The following ITGAD variants were observed in gnomAD, a reference collection of about 807,000 sequenced individuals.
ITGAD encodes integrin subunit alpha D, also known as integrin alpha-D.
In ITGAD, 105 loss-of-function variants were observed where a neutral mutation model predicts 139.0. The observed-to-expected ratio is 0.76, with a 90% CI of 0.65 to 0.89. ITGAD has a LOEUF of 0.89. Ranked by LOEUF, ITGAD falls within the 40% of genes least tolerant of loss-of-function variation. The pLI is 0.00. For synonymous variants in ITGAD, 569 were observed against 598.3 expected, an observed-to-expected ratio of 0.95 and a Z score of 0.71; for missense variants, 1,384 against 1,487.3, an observed-to-expected ratio of 0.93 and a Z score of 1.14.
Position 31,407,894 on chromosome 16 carries a change from G to C in ITGAD, c.987G>C (p.Gln329His). Residue 329 changes from glutamine to histidine, a missense_variant, in exon 9 of 30, where the codon CAG (glutamine) becomes CAC (histidine). Gln to His is a conservative substitution (Grantham distance 24, BLOSUM62 0). Coordinates refer to ENST00000389202, the MANE Select transcript of ITGAD (RefSeq NM_005353.3). The stretch of plus-strand genomic sequence containing the variant: ...TTGGCAGCATCCAGAAGCAGCTGCA[G>C]GAGAAGATCTATGCAGTTGAGGGTA... ...AALGSIQKQLQEKIYAVEGTQ... is the reference protein window; with the variant it reads ...AALGSIQKQLHEKIYAVEGTQ... The C allele has an allele frequency of 6.3e-7, 1 of 1,597,038 alleles. No individual in the cohort carries two copies. Among genetic ancestry groups the C allele is most frequent in the Non-Finnish European group, 8.6e-7 (1 of 1,165,968 alleles).
intron 5 of ITGAD, among the ~76,000 whole-genome samples, chr16:31,400,319 G>A (rs781737584): frequency 1.3e-5 from 2 of 152,106 alleles, no homozygotes; most frequent in Non-Finnish European, 1.5e-5. Flanking sequence ...GGGTAGGGGA[G>A]AGGAAAGAGG....
chr16:31,402,295 C>A, intron 6 of ITGAD, 50 bp downstream of exon 6: 2 of 1,420,800 alleles, frequency 1.4e-6, no homozygotes, highest in Non-Finnish European at 1.9e-6. Context: ...GGGAGGCTGG[C>A]CTCGGGGAGG....
intron 2 of ITGAD, among the ~76,000 whole-genome samples, chr16:31,396,507 T>G (rs2081266825): frequency 6.6e-6 from 1 of 152,172 alleles, no homozygotes; most frequent in Non-Finnish European, 1.5e-5. Flanking sequence ...ACACTAAAGT[T>G]TTGCTCATCG....
Position 31,424,242 on chromosome 16 carries a change from G to T in ITGAD, c.3261+39G>T, listed in dbSNP as rs746644483. On this transcript the variant is annotated intron_variant, in intron 28 of 29. Transcript: ENST00000389202. ...GGAGGGCAGCGACCAGCTGGAAAGA[G>T]GACCCCTAGGGCTACATCTGTGGTG... 3.8e-5 allele frequency: 61 copies of T among 1,609,160 alleles called. 1 individual carries two copies. The highest frequency in any genetic ancestry group is 3.9e-5 in the Non-Finnish European group (46 of 1,175,682).
At chr16:31,394,377 T>C in intron 2 of ITGAD, 36 bp downstream of exon 2, 2 of 1,484,034 alleles carry the variant, frequency 1.3e-6, no homozygotes, top group Non-Finnish European at 1.9e-6. Context: ...CAACCTCCAC[T>C]ACATCAAGTC....
intron 18 of ITGAD, 130 bp downstream of exon 18, chr16:31,415,121 T>G: frequency 9.7e-7 from 1 of 1,026,052 alleles, no homozygotes; most frequent in South Asian, 1.5e-5. Context: ...TCTCCCTTCC[T>G]CCTCACACCC....
Position 31,414,997 on chromosome 16 carries a change from T to C in ITGAD, c.2283+6T>C. ...AAGACCTCTTCACTGCTTCTGTGAG[T>C]CTTCTGATGAAGTCCCAGGGATGTG... On this transcript the variant is annotated splice_donor_region_variant and intron_variant, in intron 18 of 29. Transcript: ENST00000389202. 1 of 1,613,762 alleles carries C rather than the reference T, an allele frequency of 6.2e-7. No individual in the cohort carries two copies. Among genetic ancestry groups the C allele is most frequent in the Non-Finnish European group, 8.5e-7 (1 of 1,179,908 alleles).
Position 31,414,550 on chromosome 16 carries a change from G to T in ITGAD, c.2096G>T (p.Arg699Leu). 6.2e-7 allele frequency: 1 copy of T among 1,614,174 alleles called. No homozygotes were observed. The highest frequency in any genetic ancestry group is 1.1e-5 in the South Asian group (1 of 91,080). Residue 699 changes from arginine to leucine, a missense_variant, in exon 17 of 30, where the codon CGA (arginine) becomes CTA (leucine). By Grantham distance (102) the Arg-to-Leu change is moderately radical. Transcript: ENST00000389202. Reference sequence around the variant, plus strand: ...GAAACCAAGAACCCCACTTTGACTCGAAGAAAAACCCTGGGACTGGGGATT... The same window carrying T: ...GAAACCAAGAACCCCACTTTGACTCTAAGAAAAACCCTGGGACTGGGGATT... ...FNETKNPTLTRRKTLGLGIHC... is the reference protein window; with the variant it reads ...FNETKNPTLTLRKTLGLGIHC...
At chr16:31,404,555 G>T (rs571982354) in intron 7 of ITGAD, 1 of 152,440 alleles carries the variant, frequency 6.6e-6, no homozygotes, top group South Asian at 2.1e-4. Flanking sequence ...AAGTCACACG[G>T]GAGTGTCCCA....
chr16:31,394,490 A>G (rs745324360), intron 2 of ITGAD, 149 bp downstream of exon 2: 30 of 574,480 alleles, frequency 5.2e-5, no homozygotes, highest in Non-Finnish European at 8.4e-5. Flanking sequence ...TGACATCAGC[A>G]CCTATTATTC....
intron 1 of ITGAD, among the ~76,000 whole-genome samples, chr16:31,393,692 C>T (rs767667780): frequency 2.5e-4 from 38 of 151,954 alleles, no homozygotes; most frequent in Non-Finnish European, 4.4e-4. Flanking sequence ...CAGCCTCCCC[C>T]GGGAGTGGAA....
At chr16:31,397,701 T>C (rs772568237) in intron 4 of ITGAD, 35 bp downstream of exon 4, 2 of 259,066 alleles carry the variant, frequency 7.7e-6, no homozygotes, top group Non-Finnish European at 6.5e-6. Flanking sequence ...GGGGGTGGGG[T>C]GGGGCGGGGG....
Position 31,408,429 on chromosome 16 carries a change from C to T in ITGAD, c.1014C>T (p.Thr338=), listed in dbSNP as rs2081594646. ...CACTGACCTGTTTCCCCACAGGAAC[C>T]CAGTCCAGGGCAAGCAGCTCCTTCC... ...LQEKIYAVEG[T]QSRASSSFQH... is the part of the protein sequence containing the mutation. The change falls in exon 10 of 30, where the codon ACC becomes ACT. Residue 338 remains threonine (T), a synonymous_variant. Coordinates refer to ENST00000389202, the MANE Select transcript of ITGAD (RefSeq NM_005353.3). 6.2e-7 allele frequency: 1 copy of T among 1,613,774 alleles called. No individual in the cohort carries two copies. The highest frequency in any genetic ancestry group is 1.1e-5 in the South Asian group (1 of 91,080).
At chr16:31,408,599 T>A (rs2081600001) in intron 10 of ITGAD, 101 bp downstream of exon 10, 1 of 1,019,542 alleles carries the variant, frequency 9.8e-7, no homozygotes. Context: ...GCAGACCCCA[T>A]CCTCAATCGC....
At chr16:31,400,025 G>GAGTCTGT in intron 5 of ITGAD, among the ~76,000 whole-genome samples, 2 of 152,234 alleles carry the variant, frequency 1.3e-5, no homozygotes, top group African/African-American at 2.4e-5. Flanking sequence ...TGGGAGACCA[G>GAGTCTGT]GGGATACAAT....
chr16:31,395,689 A>G (rs1334042950), intron 2 of ITGAD, among the ~76,000 whole-genome samples: 1 of 152,104 alleles, frequency 6.6e-6, no homozygotes, highest in Non-Finnish European at 1.5e-5. Context: ...AGGAGCTCAC[A>G]TTCTCCTGTC....
At chr16:31,422,272 T>C (rs2142846877) in intron 23 of ITGAD, among the ~76,000 whole-genome samples, 1 of 152,194 alleles carries the variant, frequency 6.6e-6, no homozygotes, top group East Asian at 1.9e-4. Flanking sequence ...CTTTAGATGT[T>C]AAGTGGTGAG....
At chr16:31,412,809 C>A in intron 14 of ITGAD, 29 bp from the exon 15 acceptor site, 2 of 1,612,964 alleles carry the variant, frequency 1.2e-6, no homozygotes, top group Non-Finnish European at 8.5e-7. Context: ...CATCTTCCAG[C>A]CTGATTCACC....
intron 23 of ITGAD, among the ~76,000 whole-genome samples, chr16:31,420,242 T>C (rs2081982098): frequency 6.6e-6 from 1 of 152,162 alleles, no homozygotes; most frequent in Admixed American, 6.6e-5. Context: ...CTTAAGAGCC[T>C]GGCCAAGGCA....
Sources: gnomAD v4.1 joint callset for allele counts (sites outside exome capture counted in the v4.1 genomes callset) on GRCh38, gnomAD v4.1.1 for gene constraint, MANE v1.5 for transcripts, NCBI Gene and HGNC (gene_info 2026-07-23, HGNC 2026-07-21) for gene names.